Variants in MALRD1 observed in about 807,000 individuals in gnomAD.
The protein encoded by MALRD1 is MAM and LDL receptor class A domain containing 1, also known as MAM and LDL-receptor class A domain-containing protein 1.
A neutral mutation model predicts 242.1 loss-of-function variants in MALRD1; 247 were observed. That is an observed-to-expected ratio of 1.02 (90% CI 0.92 to 1.13). The LOEUF is 1.13. Among genes scored for constraint, MALRD1 ranks in the 50% most tolerant of loss-of-function variants. The pLI, the probability that MALRD1 is intolerant of heterozygous loss-of-function variation, is 0.00. For synonymous variants in MALRD1, 995 were observed against 866.6 expected (o/e 1.15, Z -2.60); for missense variants, 2,989 against 2,533.1 (o/e 1.18, Z -3.86).
Position 19,352,239 on chromosome 10 carries a change from A to G in MALRD1, c.4383A>G (p.Glu1461=). 2 of 1,550,386 alleles carry G rather than the reference A, an allele frequency of 1.3e-6. No individual in the cohort carries two copies. The highest frequency in any genetic ancestry group is 1.7e-6 in the Non-Finnish European group (2 of 1,146,884). The part of the protein sequence containing the change: ...DIALDDIVLT[E]NCLSLHDSVQ... ...CACTTGATGACATTGTGCTTACAGA[A>G]AATTGTCTATCACTCCATGATTCCG... Residue 1461 remains glutamate (E), a synonymous_variant, in exon 26 of 40, where the codon GAA becomes GAG. Transcript: ENST00000454679.
chr10:19,431,614 A>G (rs182452727), intron 28 of MALRD1, among the ~76,000 whole-genome samples: 1 of 152,184 alleles, frequency 6.6e-6, no homozygotes, highest in African/African-American at 2.4e-5. Flanking sequence ...TTTATACCCA[A>G]TGTATGCAAG....
chr10:19,055,184 A>G (rs547114101), intron 1 of MALRD1, among the ~76,000 whole-genome samples: 1 of 152,268 alleles, frequency 6.6e-6, no homozygotes, highest in Admixed American at 6.5e-5. Context: ...TACCTATTGA[A>G]CATTTGTATG....
chr10:19,116,205 T>G lies in MALRD1; in HGVS notation c.695-7287T>G, dbSNP rs773259008. On this transcript the variant is annotated intron_variant, in intron 5 of 39. Coordinates refer to ENST00000454679, the MANE Select transcript of MALRD1 (RefSeq NM_001142308.3). ...ATCACTGATTCTTGAATAACACTGA[T>G]TCTTAAAGAAACAGCTGATTATAAT... Among the ~76,000 whole-genome samples, 4 of 152,344 alleles carry G rather than the reference T, an allele frequency of 2.6e-5. No individual in the cohort carries two copies. The South Asian group carries it at 8.3e-4, about 32-fold the overall frequency.
Position 19,134,527 on chromosome 10 carries a change from T to C in MALRD1, c.1203+579T>C, listed in dbSNP as rs7911603. Among the ~76,000 whole-genome samples the C allele has an allele frequency of 8.2e-3, 1,230 of 150,538 alleles. 19 individuals carry two copies. The highest frequency in any genetic ancestry group is 0.027 in the African/African-American group (1,111 of 41,352). The stretch of plus-strand genomic sequence containing the variant: ...CAATTATTTTTGCACCAACATGATA[T>C]ATGGAATGTGTAAGTTTATTTATGC... On this transcript the variant is annotated intron_variant, in intron 9 of 39. Transcript: ENST00000454679.
intron 38 of MALRD1, among the ~76,000 whole-genome samples, chr10:19,697,607 A>G (rs1380950925): frequency 1.3e-5 from 2 of 152,100 alleles, no homozygotes; most frequent in African/African-American, 4.8e-5. Flanking sequence ...GTTCCAAAAT[A>G]ATTCTAAATT....
intron 9 of MALRD1, 125 bp from the exon 10 acceptor site, chr10:19,136,447 TTA>T: frequency 2.2e-6 from 1 of 451,554 alleles, no homozygotes; most frequent in Non-Finnish European, 3.6e-6. Flanking sequence ...AGGAACTTTG[TTA>T]TATATTGCCT....
chr10:19,462,830 G>A (rs1836013167), intron 29 of MALRD1, among the ~76,000 whole-genome samples: 1 of 152,148 alleles, frequency 6.6e-6, no homozygotes, highest in Non-Finnish European at 1.5e-5. Flanking sequence ...AATATTGTGA[G>A]AGGAATGATA....
In MALRD1 at chr10:19,186,298, C is replaced by G. The variant is rs1434447260; in HGVS notation, c.1951+10970C>G. ...TAGACAGATGTCATTGTGAAAGACC[C>G]TAATGGGAGGTTGTTTCTGGTGAAG... On this transcript the variant is annotated intron_variant, in intron 14 of 39. Coordinates refer to ENST00000454679, the MANE Select transcript of MALRD1 (RefSeq NM_001142308.3). 3.3e-5 allele frequency among the ~76,000 whole-genome samples: 5 copies of G among 152,090 alleles called. No individual in the cohort carries two copies. The East Asian group carries it at 9.7e-4, about 29-fold the overall frequency.
chr10:19,168,107 C>G (rs1834776727), intron 13 of MALRD1, among the ~76,000 whole-genome samples: 1 of 152,196 alleles, frequency 6.6e-6, no homozygotes. Flanking sequence ...GATCAGAACT[C>G]TAGGCTCGAT....
At chr10:19,652,421 G>C (rs935365629) in intron 36 of MALRD1, among the ~76,000 whole-genome samples, 1 of 152,206 alleles carries the variant, frequency 6.6e-6, no homozygotes, top group Admixed American at 6.5e-5. Flanking sequence ...GAGAGGCATG[G>C]AAGGTGAAAT....
At chr10:19,514,741 T>A (rs1164722341) in intron 31 of MALRD1, among the ~76,000 whole-genome samples, 1 of 152,164 alleles carries the variant, frequency 6.6e-6, no homozygotes, top group East Asian at 1.9e-4. Flanking sequence ...GCATGAAGTG[T>A]AGGAAATTAT....
At chr10:19,353,480 T>C (rs1173265372) in intron 26 of MALRD1, among the ~76,000 whole-genome samples, 5 of 152,232 alleles carry the variant, frequency 3.3e-5, no homozygotes, top group African/African-American at 1.2e-4. Flanking sequence ...TTGCCACTTC[T>C]GCCTTCCCCG....
At chr10:19,311,693 A>T (rs567901288) in intron 21 of MALRD1, among the ~76,000 whole-genome samples, 2 of 151,528 alleles carry the variant, frequency 1.3e-5, no homozygotes, top group Non-Finnish European at 3.0e-5. Flanking sequence ...ATGCAATGAT[A>T]TAATTTTATG....
chr10:19,571,437 G>A (rs1438530989), intron 33 of MALRD1, among the ~76,000 whole-genome samples: 3 of 152,060 alleles, frequency 2.0e-5, no homozygotes, highest in Non-Finnish European at 4.4e-5. Flanking sequence ...TATCTTTGAA[G>A]TGTTAGTACT....
chr10:19,444,620 A>C (rs1834859096), intron 28 of MALRD1, among the ~76,000 whole-genome samples: 1 of 152,188 alleles, frequency 6.6e-6, no homozygotes, highest in African/African-American at 2.4e-5. Context: ...TTCTTTAAGA[A>C]TGTTGAATAT....
At chr10:19,574,550 C>G (rs983265972) in intron 33 of MALRD1, among the ~76,000 whole-genome samples, 4 of 152,118 alleles carry the variant, frequency 2.6e-5, no homozygotes, top group African/African-American at 9.7e-5. Context: ...AATAGTCTAG[C>G]AGGCTCTGTG....
In MALRD1 at chr10:19,205,193, G is replaced by A. The variant is rs754292257; in HGVS notation, c.2506G>A (p.Ala836Thr). ...TCATTTCTGGTGTCGCCACACCAGGGCTTGCATAGAAAAGCTTCGGTTATG... is the reference window on the plus strand; with the variant it reads ...TCATTTCTGGTGTCGCCACACCAGGACTTGCATAGAAAAGCTTCGGTTATG... ...LDHFWCRHTRACIEKLRLCDL... is the reference protein window; with the variant it reads ...LDHFWCRHTRTCIEKLRLCDL... Residue 836 changes from alanine (A) to threonine (T), a missense_variant, in exon 17 of 40, where the codon GCT (alanine) becomes ACT (threonine). By Grantham distance (58) the Ala-to-Thr change is moderately conservative (BLOSUM62 0). Coordinates refer to ENST00000454679, the MANE Select transcript of MALRD1 (RefSeq NM_001142308.3). The A allele has an allele frequency of 6.4e-7, 1 of 1,550,892 alleles. No homozygotes were observed. Among genetic ancestry groups the A allele is most frequent in the Non-Finnish European group, 8.7e-7 (1 of 1,147,070 alleles).
At chr10:19,615,516 C>CAAAAAAAAAAAAA (rs530920512) in intron 35 of MALRD1, among the ~76,000 whole-genome samples, 734 of 36,926 alleles carry the variant, frequency 0.02, 73 homozygotes, top group Non-Finnish European at 0.024. Flanking sequence ...GACCCTGCCT[C>CAAAAAAAAAAAAA]AAAAAAAAAA....
intron 22 of MALRD1, among the ~76,000 whole-genome samples, chr10:19,325,413 ATTT>A (rs34524649): frequency 1.4e-5 from 2 of 144,784 alleles, no homozygotes; most frequent in African/African-American, 2.5e-5. Flanking sequence ...AAAGTCCTGT[ATTT>A]TTTTTTTTTT....
Sources: allele counts gnomAD v4.1 joint callset (sites outside exome capture counted in the v4.1 genomes callset), GRCh38; gene constraint gnomAD v4.1.1; transcripts MANE v1.5; gene names NCBI Gene and HGNC (gene_info 2026-07-23, HGNC 2026-07-21).